GMDS: variants seen among roughly 807,000 people sequenced by gnomAD.
GMDS encodes GDP-mannose 4,6 dehydratase.
GMDS carries 20 observed loss-of-function variants against 49.9 expected under a neutral mutation model. The observed-to-expected ratio is 0.40, with a 90% CI of 0.28 to 0.58. The LOEUF (loss-of-function observed/expected upper bound fraction) is 0.58. Among genes scored for constraint, GMDS ranks in the 20% least tolerant of loss-of-function variants. GMDS has a pLI of 0.42. For missense variants in GMDS, 362 were observed against 481.4 expected, an observed-to-expected ratio of 0.75 and a Z score of 2.32; for synonymous variants, 177 against 178.6, an observed-to-expected ratio of 0.99 and a Z score of 0.07.
chr6:1,661,215 TTGGGTTAAATCCTCA>T (rs1321167284), intron 9 of GMDS, among the ~76,000 whole-genome samples: 1 of 152,128 alleles, frequency 6.6e-6, no homozygotes, highest in East Asian at 1.9e-4. Context: ...AATTATCCAT[TTGGGTTAAATCCTCA>T]TGGGTCGTGC....
chr6:1,908,363 C>T (rs116346389), intron 7 of GMDS, among the ~76,000 whole-genome samples: 4,127 of 152,250 alleles, frequency 0.027, 67 homozygotes, highest in Non-Finnish European at 0.044. Context: ...AGGGGGCTAC[C>T]GTACCATTCT....
At chr6:1,962,776 C>T (rs1412443100) in intron 4 of GMDS, among the ~76,000 whole-genome samples, 1 of 151,694 alleles carries the variant, frequency 6.6e-6, no homozygotes, top group East Asian at 1.9e-4. Context: ...TATGCATATA[C>T]ATACATATAT....
chr6:1,909,050 G>C (rs181885198), intron 7 of GMDS, among the ~76,000 whole-genome samples: 1 of 152,172 alleles, frequency 6.6e-6, no homozygotes, highest in Non-Finnish European at 1.5e-5. Context: ...ACCAGAAAAC[G>C]CAGGATATTA....
chr6:2,043,448 G>C (rs998514055), intron 4 of GMDS: 2 of 152,436 alleles, frequency 1.3e-5, no homozygotes, highest in Non-Finnish European at 1.5e-5. Context: ...ACAGCGGGCA[G>C]AGCCAGCAGC....
chr6:2,068,492 GA>G (rs1771764765), intron 4 of GMDS, among the ~76,000 whole-genome samples: 1 of 152,172 alleles, frequency 6.6e-6, no homozygotes, highest in Non-Finnish European at 1.5e-5. Flanking sequence ...GTTTGCAGAT[GA>G]CATGATTGTA....
At chr6:1,824,237 C>T (rs184903622) in intron 7 of GMDS, among the ~76,000 whole-genome samples, 2 of 152,230 alleles carry the variant, frequency 1.3e-5, no homozygotes, top group Non-Finnish European at 2.9e-5. Flanking sequence ...CAGTGTTGCA[C>T]CATTCCAGGG....
chr6:2,125,651 T>C (rs1302715642), intron 1 of GMDS, among the ~76,000 whole-genome samples: 5 of 150,544 alleles, frequency 3.3e-5, no homozygotes, highest in Non-Finnish European at 5.9e-5. Context: ...ACTAGGTGGG[T>C]TGGGGATATA....
intron 7 of GMDS, among the ~76,000 whole-genome samples, chr6:1,824,550 T>C (rs1359390477): frequency 6.6e-6 from 1 of 152,120 alleles, no homozygotes; most frequent in Non-Finnish European, 1.5e-5. Context: ...TGCCTGGTGG[T>C]CTGTCTTCTG....
intron 7 of GMDS, among the ~76,000 whole-genome samples, chr6:1,896,522 C>T (rs565928315): frequency 3.9e-5 from 6 of 151,986 alleles, no homozygotes; most frequent in African/African-American, 9.7e-5. Context: ...AAAGTATAGA[C>T]GACTGACAAA....
intron 1 of GMDS, among the ~76,000 whole-genome samples, chr6:2,231,270 C>T (rs187191850): frequency 5.3e-5 from 8 of 152,134 alleles, no homozygotes; most frequent in African/African-American, 1.7e-4. Context: ...ATGAAAAGTG[C>T]CCAAGGGCCA....
chr6:1,932,760 G>C (rs1197223317), intron 6 of GMDS, among the ~76,000 whole-genome samples: 1 of 151,928 alleles, frequency 6.6e-6, no homozygotes, highest in East Asian at 1.9e-4. Context: ...GGATGGTCTC[G>C]ATCTCCTGAC....
At chr6:1,840,886 C>T (rs532281728) in intron 7 of GMDS, among the ~76,000 whole-genome samples, 4 of 152,302 alleles carry the variant, frequency 2.6e-5, no homozygotes, top group East Asian at 1.9e-4. Context: ...TGGAGCTCAC[C>T]GGATCTGGCA....
chr6:1,861,979 C>T (rs777015386), intron 7 of GMDS, among the ~76,000 whole-genome samples: 3 of 152,160 alleles, frequency 2.0e-5, no homozygotes, highest in Non-Finnish European at 2.9e-5. Flanking sequence ...GAAAAGAGAA[C>T]AACGGAATTA....
intron 4 of GMDS, among the ~76,000 whole-genome samples, chr6:1,972,969 G>A (rs544481411): frequency 6.9e-4 from 105 of 152,328 alleles, no homozygotes; most frequent in Admixed American, 9.8e-4. Flanking sequence ...TGCTGAAGGA[G>A]TCCATGGCGT....
chr6:2,201,973 G>T (rs1365989418), intron 1 of GMDS, among the ~76,000 whole-genome samples: 2 of 134,144 alleles, frequency 1.5e-5, no homozygotes, highest in Non-Finnish European at 3.2e-5. Flanking sequence ...AGTGAGGGCA[G>T]CATGTTAGCA....
intron 6 of GMDS, among the ~76,000 whole-genome samples, chr6:1,951,251 A>T (rs183537307): frequency 6.6e-6 from 1 of 152,378 alleles, no homozygotes; most frequent in African/African-American, 2.4e-5. Flanking sequence ...TATAAAGATA[A>T]ATACAGTCAG....
At chr6:1,740,986 A>AC (rs1447370278) in intron 8 of GMDS, among the ~76,000 whole-genome samples, 4 of 152,194 alleles carry the variant, frequency 2.6e-5, no homozygotes, top group African/African-American at 9.6e-5. Context: ...ATTGAGACAA[A>AC]ATGTTCACAA....
chr6:1,685,451 T>C (rs1221279129), intron 9 of GMDS, among the ~76,000 whole-genome samples: 1 of 152,206 alleles, frequency 6.6e-6, no homozygotes, highest in Non-Finnish European at 1.5e-5. Flanking sequence ...GCAAACAGTA[T>C]AGCTCTTTGT....
Position 2,201,855 on chromosome 6 carries a change from TG to T in GMDS, c.102+43465del, listed in dbSNP as rs199897463. The stretch of plus-strand genomic sequence containing the variant: ...CGAAGGATGAAGAGAGAGCACCACA[TG>T]GGCATCCGAGATGAAACCATCTAGG... On this transcript the variant is annotated intron_variant, in intron 1 of 10. Coordinates refer to ENST00000380815, the MANE Select transcript of GMDS (RefSeq NM_001500.4). 1.2e-4 allele frequency among the ~76,000 whole-genome samples: 16 copies of T among 130,792 alleles called. 1 individual carries two copies. The East Asian group carries it at 3.8e-3, about 31-fold the overall frequency. 85.8% of individuals were successfully genotyped at this position (130,792 alleles called of 152,430 possible).
Sources: gnomAD v4.1 joint callset for allele counts (sites outside exome capture counted in the v4.1 genomes callset) on GRCh38, gnomAD v4.1.1 for gene constraint, MANE v1.5 for transcripts, NCBI Gene and HGNC (gene_info 2026-07-23, HGNC 2026-07-21) for gene names.